USF1: variants seen among roughly 807,000 people sequenced by gnomAD.
USF1 encodes upstream transcription factor 1.
A neutral mutation model predicts 46.3 loss-of-function variants in USF1; 22 were observed. The ratio of observed to expected loss-of-function variants is 0.47; its 90% CI spans 0.34 to 0.68. The LOEUF (loss-of-function observed/expected upper bound fraction) is 0.68, where lower values mean the gene tolerates loss of function less well. Ranked by LOEUF, USF1 falls within the 30% of genes least tolerant of loss-of-function variation. The probability of loss-of-function intolerance (pLI) is 0.01; values close to 1 mark genes in which losing one functional copy is unlikely to be tolerated. For synonymous variants in USF1, 150 were observed against 147.0 expected, an observed-to-expected ratio of 1.02 and a Z score of -0.15; for missense variants, 287 against 399.3, an observed-to-expected ratio of 0.72 and a Z score of 2.40.
chr1:161,042,355 T>C (rs1650602341), intron 4 of USF1, 138 bp from the exon 5 acceptor site: 1 of 1,051,522 alleles, frequency 9.5e-7, no homozygotes, highest in Admixed American at 2.5e-5. Context: ...TCAGCCATTC[T>C]CCCTTCTTTC....
At chr1:161,042,977 T>G (rs1650637259) in intron 2 of USF1, 95 bp from the exon 3 acceptor site, 2 of 1,546,036 alleles carry the variant, frequency 1.3e-6, no homozygotes, top group Non-Finnish European at 1.8e-6. Flanking sequence ...TCATTGGCAT[T>G]CCCAACAGAA....
chr1:161,041,942 G>A (rs1650581714), intron 5 of USF1, 96 bp from the exon 6 acceptor site: 1 of 1,385,436 alleles, frequency 7.2e-7, no homozygotes, highest in African/African-American at 1.4e-5. Flanking sequence ...GTGGTAGGTA[G>A]GGTGGAGAGA....
At chr1:161,043,495 C>A (rs1650662655) in intron 1 of USF1, 135 bp from the exon 2 acceptor site, 3 of 663,300 alleles carry the variant, frequency 4.5e-6, no homozygotes, top group Non-Finnish European at 7.6e-6. Flanking sequence ...CTCCACCATA[C>A]TGATGTTGAG....
At chr1:161,041,176 C>T (rs887543002) in intron 7 of USF1, 148 bp downstream of exon 7, 18 of 735,278 alleles carry the variant, frequency 2.4e-5, no homozygotes, top group Admixed American at 6.1e-5. Context: ...GCATGAGAAA[C>T]GCTTGAACCC....
chr1:161,041,491 C>G (rs760150169), intron 6 of USF1, 80 bp from the exon 7 acceptor site: 11 of 1,520,628 alleles, frequency 7.2e-6, no homozygotes, highest in Non-Finnish European at 9.9e-6. Flanking sequence ...CTGGTCCCCT[C>G]CTCTAAAAAG....
intron 5 of USF1, 31 bp from the exon 6 acceptor site, chr1:161,041,877 G>C (rs370597632): frequency 6.3e-7 from 1 of 1,596,946 alleles, no homozygotes; most frequent in African/African-American, 1.3e-5. Flanking sequence ...ACTGATTCTG[G>C]TAACAGTCAA....
intron 5 of USF1, 54 bp from the exon 6 acceptor site, chr1:161,041,900 A>C (rs751678078): frequency 6.5e-6 from 10 of 1,547,754 alleles, no homozygotes; most frequent in Non-Finnish European, 8.9e-6. Flanking sequence ...ACTTCTTCCC[A>C]CTACACCACT....
In USF1 at chr1:161,040,719, A is replaced by G. The variant is rs1345096522; in HGVS notation, c.620-49T>C. ...GGTGACTCAGTGAAAACTCGCCACA[A>G]GTCCCAGGGTAAAATTACCTAATCC... On this transcript the variant is annotated intron_variant, in intron 8 of 10. Coordinates refer to ENST00000368021, the MANE Select transcript of USF1 (RefSeq NM_007122.5). The surrounding 1 kb of genome is among the most constrained non-coding windows in gnomAD (Gnocchi z 4.0). 6.2e-7 allele frequency: 1 copy of G among 1,612,410 alleles called. No individual in the cohort carries two copies. Among genetic ancestry groups the G allele is most frequent in the Non-Finnish European group, 8.5e-7 (1 of 1,179,850 alleles).
In USF1 at chr1:161,045,902, C is replaced by A. The variant is rs1650793669; in HGVS notation, c.-130G>T. 1 of 152,410 alleles carries A rather than the reference C, an allele frequency of 6.6e-6. No individual in the cohort carries two copies. Among genetic ancestry groups the A allele is most frequent in the African/African-American group, 2.4e-5 (1 of 41,464 alleles). 9.4% of individuals were successfully genotyped at this position (152,410 alleles called of 1,614,324 possible). A position where few individuals can be genotyped will look rare whatever the true frequency, so the allele number is the denominator to read the frequency against. Reference sequence around the variant, plus strand: ...TGCCGATTTTCTCCAACTGTGTTCTCCCTCTCCCGGCCTAGGTATCTCCAT... The same window carrying A: ...TGCCGATTTTCTCCAACTGTGTTCTACCTCTCCCGGCCTAGGTATCTCCAT... On this transcript the variant is annotated 5_prime_UTR_variant, in exon 1 of 11. An upstream open reading frame in the 5' UTR gains an earlier in-frame stop. Transcript: ENST00000368021.
In USF1 at chr1:161,040,807, T is replaced by C. The variant is rs1179474153; in HGVS notation, c.619+7A>G. 5.6e-6 allele frequency: 9 copies of C among 1,613,994 alleles called. No individual in the cohort carries two copies. The highest frequency in any genetic ancestry group is 5.9e-6 in the Non-Finnish European group (7 of 1,180,016). On this transcript the variant is annotated splice_region_variant and intron_variant, in intron 8 of 10. Transcript: ENST00000368021. The surrounding 1 kb of genome is among the most constrained non-coding windows in gnomAD (Gnocchi z 4.0). ...ACAGCTTCTAGCTCCACCCAGATCA[T>C]ACCTACCTTCATTATGCTGAGCCCT...
At chr1:161,041,569 T>G (rs1007031007) in intron 6 of USF1, 82 bp downstream of exon 6, 1 of 1,533,796 alleles carries the variant, frequency 6.5e-7, no homozygotes, top group African/African-American at 1.4e-5. Flanking sequence ...CTAAGAGTCA[T>G]GAGTGAAGGC....
Position 161,040,687 on chromosome 1 carries a change from A to C in USF1, c.620-17T>G. ...GACGCTCCACTGTGGGGCAAAGTGG[A>C]GGACAAGGTGACTCAGTGAAAACTC... On this transcript the variant is annotated splice_polypyrimidine_tract_variant and intron_variant, in intron 8 of 10. Coordinates refer to ENST00000368021, the MANE Select transcript of USF1 (RefSeq NM_007122.5). This position sits in a 1 kb window ranked among gnomAD's most constrained non-coding sequence, Gnocchi z 4.0. 1 of 1,611,116 alleles carries C rather than the reference A, an allele frequency of 6.2e-7. No individual in the cohort carries two copies. Among genetic ancestry groups the C allele is most frequent in the Non-Finnish European group, 8.5e-7 (1 of 1,179,860 alleles).
intron 3 of USF1, 71 bp downstream of exon 3, chr1:161,042,762 G>A: frequency 6.2e-7 from 1 of 1,612,120 alleles, no homozygotes; most frequent in Non-Finnish European, 8.5e-7. Context: ...GGATGCACAG[G>A]AGATGGTCTG....
At chr1:161,042,447 C>T in intron 4 of USF1, 108 bp downstream of exon 4, 1 of 1,268,990 alleles carries the variant, frequency 7.9e-7, no homozygotes, top group Non-Finnish European at 1.1e-6. Flanking sequence ...TGCAACAGTC[C>T]ACTCTTTCAA....
At position 161,043,777 on chromosome 1, in the gene USF1, C is replaced by T. The variant is rs17181870; in HGVS notation, c.-85-417G>A. Among the ~76,000 whole-genome samples, 191 of 151,536 alleles carry T rather than the reference C, an allele frequency of 1.3e-3. 1 individual carries two copies. Among genetic ancestry groups the T allele is most frequent in the African/African-American group, 4.5e-3 (184 of 41,238 alleles). On this transcript the variant is annotated intron_variant, in intron 1 of 10. Coordinates refer to ENST00000368021, the MANE Select transcript of USF1 (RefSeq NM_007122.5). ...TAGCTGGGATTACAGGTGCACACCA[C>T]CACGCCTGGCTAATTTTTGTATTTT...
At chr1:161,045,339 A>T (rs1167739621) in intron 1 of USF1, among the ~76,000 whole-genome samples, 1 of 152,236 alleles carries the variant, frequency 6.6e-6, no homozygotes, top group Admixed American at 6.5e-5. Flanking sequence ...CGCTCAGGCC[A>T]GAAGGGCCCA....
chr1:161,043,249 C>T lies in USF1; in HGVS notation c.8+19G>A, dbSNP rs1383268118. ...GGCCACCCATCTTTCATCCCAGACCCTACCTCTTCTTCACTCACCCCTTCA... is the reference window on the plus strand; with the variant it reads ...GGCCACCCATCTTTCATCCCAGACCTTACCTCTTCTTCACTCACCCCTTCA... On this transcript the variant is annotated intron_variant, in intron 2 of 10. Transcript: ENST00000368021. The T allele has an allele frequency of 1.2e-6, 2 of 1,614,068 alleles. No homozygotes were observed. Among genetic ancestry groups the T allele is most frequent in the East Asian group, 2.2e-5 (1 of 44,898 alleles).
At chr1:161,043,493 T>C (rs568565699) in intron 1 of USF1, 133 bp from the exon 2 acceptor site, 183 of 665,170 alleles carry the variant, frequency 2.8e-4, no homozygotes, top group Non-Finnish European at 4.4e-4. Context: ...GCCTCCACCA[T>C]ACTGATGTTG....
chr1:161,041,920 C>T (rs1571048848), intron 5 of USF1, 74 bp from the exon 6 acceptor site: 1 of 1,484,068 alleles, frequency 6.7e-7, no homozygotes, highest in African/African-American at 1.4e-5. Flanking sequence ...TCTGCAGCTT[C>T]TATCCGTTGG....
Sources: gnomAD v4.1 joint callset for allele counts (sites outside exome capture counted in the v4.1 genomes callset) on GRCh38, gnomAD v4.1.1 for gene constraint, Gnocchi (gnomAD v3.1) non-coding constraint, MANE v1.5 for transcripts, NCBI Gene and HGNC (gene_info 2026-07-23, HGNC 2026-07-21) for gene names.